The following CADPS variants were observed in gnomAD, a reference collection of about 807,000 sequenced individuals.
CADPS encodes the protein calcium-dependent secretion activator 1.
In CADPS, 57 loss-of-function variants were observed where a neutral mutation model predicts 167.3. The observed-to-expected ratio is 0.34, with a 90% confidence interval of 0.28 to 0.42. The LOEUF (loss-of-function observed/expected upper bound fraction) is 0.42, where lower values mean the gene tolerates loss of function less well. Among genes scored for constraint, CADPS ranks in the 20% least tolerant of loss-of-function variants. The pLI, the probability that CADPS is intolerant of heterozygous loss-of-function variation, is 1.00. For synonymous variants in CADPS, 676 were observed against 635.3 expected (o/e 1.06, Z -0.96); for missense variants, 1,414 against 1,738.1 (o/e 0.81, Z 3.32).
chr3:62,761,267 A>G (rs936521112), intron 2 of CADPS, among the ~76,000 whole-genome samples: 39 of 152,100 alleles, frequency 2.6e-4, no homozygotes, highest in African/African-American at 9.4e-4. Context: ...GCTTAATTTA[A>G]TCACAGTCGG....
At chr3:62,594,169 A>ATTTT (rs199898999) in intron 6 of CADPS, among the ~76,000 whole-genome samples, 1 of 129,716 alleles carries the variant, frequency 7.7e-6, no homozygotes. Context: ...TTATTTATTT[A>ATTTT]TTTATTTTTT....
chr3:62,497,450 A>T (rs1264198143), intron 18 of CADPS, among the ~76,000 whole-genome samples: 1 of 152,202 alleles, frequency 6.6e-6, no homozygotes, highest in Non-Finnish European at 1.5e-5. Flanking sequence ...ATGACTTTGT[A>T]GACACGTGGG....
intron 1 of CADPS, among the ~76,000 whole-genome samples, chr3:62,855,860 T>C (rs1414152943): frequency 6.6e-6 from 1 of 152,178 alleles, no homozygotes; most frequent in Non-Finnish European, 1.5e-5. Context: ...GGCAATATGA[T>C]AAAAAACTCC....
At chr3:62,780,189 AATAGAAAAATG>A (rs2091295598) in intron 1 of CADPS, among the ~76,000 whole-genome samples, 1 of 152,132 alleles carries the variant, frequency 6.6e-6, no homozygotes, top group Non-Finnish European at 1.5e-5. Flanking sequence ...GTATTTTCCA[AATAGAAAAATG>A]ATCTAAAACT....
At chr3:62,859,521 G>A (rs950825050) in intron 1 of CADPS, among the ~76,000 whole-genome samples, 4 of 152,240 alleles carry the variant, frequency 2.6e-5, no homozygotes, top group Admixed American at 6.5e-5. Flanking sequence ...TGCTGCTTCG[G>A]GGGGAGACGT....
chr3:62,777,239 T>C (rs531260750), intron 1 of CADPS, among the ~76,000 whole-genome samples: 2 of 152,164 alleles, frequency 1.3e-5, no homozygotes, highest in East Asian at 1.9e-4. Flanking sequence ...ATGCAGTCTA[T>C]GTACAGGTTA....
At chr3:62,651,469 A>C (rs2070133527) in intron 4 of CADPS, among the ~76,000 whole-genome samples, 1 of 152,128 alleles carries the variant, frequency 6.6e-6, no homozygotes, top group African/African-American at 2.4e-5. Context: ...TAAGTGAGGG[A>C]AACAGAAAGA....
intron 1 of CADPS, among the ~76,000 whole-genome samples, chr3:62,819,666 T>C (rs1350995925): frequency 6.6e-6 from 1 of 152,170 alleles, no homozygotes; most frequent in Admixed American, 6.6e-5. Flanking sequence ...TTGGAGACTA[T>C]GTAACTAAGG....
intron 13 of CADPS, among the ~76,000 whole-genome samples, chr3:62,518,757 C>T (rs989616660): frequency 1.3e-5 from 2 of 152,036 alleles, no homozygotes; most frequent in Non-Finnish European, 2.9e-5. Flanking sequence ...GGTTTGGGGT[C>T]CCTGAATTAT....
intron 28 of CADPS, among the ~76,000 whole-genome samples, chr3:62,409,194 G>A (rs2048471992): frequency 6.6e-6 from 1 of 152,200 alleles, no homozygotes; most frequent in Non-Finnish European, 1.5e-5. Flanking sequence ...TAAGTGGTGG[G>A]ACAAGTTTCA....
At chr3:62,488,204 G>A (rs2063126918) in intron 21 of CADPS, among the ~76,000 whole-genome samples, 1 of 151,908 alleles carries the variant, frequency 6.6e-6, no homozygotes. Flanking sequence ...TCTTCACTTG[G>A]AAAAAAAATC....
At chr3:62,814,111 A>G (rs568167576) in intron 1 of CADPS, among the ~76,000 whole-genome samples, 2 of 152,178 alleles carry the variant, frequency 1.3e-5, no homozygotes, top group South Asian at 2.1e-4. Flanking sequence ...CCTGAAATCT[A>G]TTGGTAGATG....
At chr3:62,632,994 T>G (rs767447813) in intron 6 of CADPS, among the ~76,000 whole-genome samples, 48 of 151,888 alleles carry the variant, frequency 3.2e-4, no homozygotes, top group Non-Finnish European at 4.7e-4. Context: ...TTTAACTCAC[T>G]CAAGGTCATT....
At position 62,433,539 on chromosome 3, in the gene CADPS, C is replaced by T. The variant is rs2054391838; in HGVS notation, c.3777+4565G>A. The stretch of plus-strand genomic sequence containing the variant: ...TAAGTGTATAATTGACCTATATAAT[C>T]CATGTATCATCTCCAGTCAAATGTT... On this transcript the variant is annotated intron_variant, in intron 28 of 29. Coordinates refer to ENST00000383710, the MANE Select transcript of CADPS (RefSeq NM_003716.4). This position sits in a 1 kb window ranked among gnomAD's most constrained non-coding sequence, Gnocchi z 4.7. Among the ~76,000 whole-genome samples the T allele has an allele frequency of 6.6e-6, 1 of 152,122 alleles. No individual in the cohort carries two copies. The highest frequency in any genetic ancestry group is 1.5e-5 in the Non-Finnish European group (1 of 68,014).
At chr3:62,691,161 T>C (rs1267686125) in intron 3 of CADPS, among the ~76,000 whole-genome samples, 4 of 151,742 alleles carry the variant, frequency 2.6e-5, no homozygotes, top group Admixed American at 6.6e-5. Flanking sequence ...TTGTCAGTGG[T>C]TGAGGGGGAG....
chr3:62,719,045 G>GGTCC, intron 3 of CADPS, among the ~76,000 whole-genome samples: 1 of 152,338 alleles, frequency 6.6e-6, no homozygotes, highest in African/African-American at 2.4e-5. Flanking sequence ...TGCATTCAGA[G>GGTCC]GTCCTGGTGA....
intron 6 of CADPS, among the ~76,000 whole-genome samples, chr3:62,599,686 TA>T (rs1410067333): frequency 6.2e-5 from 3 of 48,496 alleles, no homozygotes; most frequent in Non-Finnish European, 1.0e-4. Context: ...CAATATTATA[TA>T]ATATTATAAT....
intron 1 of CADPS, among the ~76,000 whole-genome samples, chr3:62,852,252 T>A (rs2078759648): frequency 6.6e-6 from 1 of 151,946 alleles, no homozygotes; most frequent in Non-Finnish European, 1.5e-5. Context: ...AATTTGATCG[T>A]CTGAAGCCTT....
chr3:62,643,352 T>C (rs1044426697), intron 6 of CADPS, among the ~76,000 whole-genome samples: 1 of 152,208 alleles, frequency 6.6e-6, no homozygotes, highest in African/African-American at 2.4e-5. Context: ...CACTTGACCC[T>C]GGTCATGAAA....
Sources: gnomAD v4.1 joint callset for allele counts (sites outside exome capture counted in the v4.1 genomes callset) on GRCh38, gnomAD v4.1.1 for gene constraint, Gnocchi (gnomAD v3.1) non-coding constraint, MANE v1.5 for transcripts, NCBI Gene and HGNC (gene_info 2026-07-23, HGNC 2026-07-21) for gene names.